TBC1D23: variants seen among roughly 807,000 people sequenced by gnomAD.
The protein encoded by TBC1D23 is TBC1 domain family member 23, also known as HCV non-structural protein 4A-transactivated protein 1.
Under a neutral mutation model 91.4 loss-of-function variants are expected in TBC1D23, and 55 were observed. That is an observed-to-expected ratio of 0.60 (90% CI 0.48 to 0.75). TBC1D23 has a LOEUF of 0.75. TBC1D23 is among the 30% of genes least tolerant of loss of function. TBC1D23 has a pLI of 0.00. For missense variants in TBC1D23, 725 were observed against 836.1 expected, an observed-to-expected ratio of 0.87 and a Z score of 1.64; for synonymous variants, 289 against 281.0, an observed-to-expected ratio of 1.03 and a Z score of -0.28.
intron 3 of TBC1D23, among the ~76,000 whole-genome samples, chr3:100,282,492 G>T (rs1438843964): frequency 2.6e-5 from 4 of 152,128 alleles, no homozygotes; most frequent in Non-Finnish European, 2.9e-5. Context: ...ATAAATCATA[G>T]TTTGTGGACT....
At chr3:100,289,346 A>G (rs2067770550) in intron 4 of TBC1D23, among the ~76,000 whole-genome samples, 1 of 152,212 alleles carries the variant, frequency 6.6e-6, no homozygotes, top group Non-Finnish European at 1.5e-5. Context: ...TATCACAAAC[A>G]TGGACACAAG....
At chr3:100,309,980 A>G (rs12629226) in intron 13 of TBC1D23, among the ~76,000 whole-genome samples, 35,998 of 152,126 alleles carry the variant, frequency 0.24, 4,684 homozygotes, top group East Asian at 0.49. Context: ...ATATCATACT[A>G]CAAACTGGGG....
chr3:100,292,029 T>A (rs1233198413), intron 5 of TBC1D23, among the ~76,000 whole-genome samples: 1 of 152,136 alleles, frequency 6.6e-6, no homozygotes, highest in African/African-American at 2.4e-5. Flanking sequence ...CCTCCCAAAG[T>A]GCTGGGATTA....
rs66553332 is a variant in TBC1D23, at chr3:100,300,498, A to ATT, written c.1092+1186_1092+1187dup. 5.1e-3 allele frequency among the ~76,000 whole-genome samples: 638 copies of ATT among 125,384 alleles called. 7 individuals are homozygous for ATT. Among genetic ancestry groups the ATT allele is most frequent in the Non-Finnish European group, 6.2e-3 (375 of 60,460 alleles). 82.3% of individuals were successfully genotyped at this position (125,384 alleles called of 152,430 possible). On this transcript the variant is annotated intron_variant, in intron 10 of 18. Coordinates refer to ENST00000394144, the MANE Select transcript of TBC1D23 (RefSeq NM_001199198.3). ...AAGTGATTCATGAATACTTGAATTA[A>ATT]TTTTTTTTTTTTTTTTTTTTGAGAC... is the stretch of plus-strand genomic sequence containing the variant.
chr3:100,263,018 G>C (rs977083940), intron 1 of TBC1D23, among the ~76,000 whole-genome samples: 1 of 152,264 alleles, frequency 6.6e-6, no homozygotes, highest in Non-Finnish European at 1.5e-5. Context: ...ATGCGCGTCC[G>C]TGTGAAGAGA....
At chr3:100,264,204 A>G (rs1042458899) in intron 1 of TBC1D23, among the ~76,000 whole-genome samples, 1 of 152,082 alleles carries the variant, frequency 6.6e-6, no homozygotes, top group Non-Finnish European at 1.5e-5. Context: ...AGGTCTCGCC[A>G]TGTTGCCCAG....
intron 3 of TBC1D23, among the ~76,000 whole-genome samples, chr3:100,282,499 G>A (rs904778594): frequency 1.3e-5 from 2 of 152,138 alleles, no homozygotes; most frequent in Admixed American, 6.5e-5. Flanking sequence ...ATAGTTTGTG[G>A]ACTGCTGTAG....
chr3:100,288,667 A>G (rs2067764188), intron 4 of TBC1D23, among the ~76,000 whole-genome samples: 1 of 152,162 alleles, frequency 6.6e-6, no homozygotes, highest in Non-Finnish European at 1.5e-5. Flanking sequence ...CTGTGCTTTG[A>G]CCTGTTTATA....
chr3:100,281,224 C>T (rs1434207539), intron 2 of TBC1D23, among the ~76,000 whole-genome samples: 1 of 152,074 alleles, frequency 6.6e-6, no homozygotes, highest in East Asian at 1.9e-4. Context: ...TTGTCTCATA[C>T]ATGTGTTTTT....
chr3:100,272,198 G>A (rs1047875455), intron 1 of TBC1D23, among the ~76,000 whole-genome samples: 7 of 151,974 alleles, frequency 4.6e-5, no homozygotes, highest in Non-Finnish European at 7.4e-5. Flanking sequence ...AACTTGTTTC[G>A]CCTGTTTATC....
chr3:100,308,214 G>A (rs1434399389), intron 13 of TBC1D23, among the ~76,000 whole-genome samples: 3 of 152,182 alleles, frequency 2.0e-5, no homozygotes, highest in Non-Finnish European at 2.9e-5. Context: ...AGTGGCTCAC[G>A]CCTGTAATCC....
chr3:100,305,304 A>T (rs745738518), intron 12 of TBC1D23, among the ~76,000 whole-genome samples: 1 of 152,164 alleles, frequency 6.6e-6, no homozygotes, highest in South Asian at 2.1e-4. Context: ...TGTTTAAAAA[A>T]TGTTAGCTAA....
intron 4 of TBC1D23, among the ~76,000 whole-genome samples, chr3:100,285,166 G>A (rs900183402): frequency 4.6e-5 from 7 of 152,066 alleles, no homozygotes; most frequent in Admixed American, 6.6e-5. Flanking sequence ...CCATTTTAAT[G>A]TGTACAATTC....
intron 1 of TBC1D23, among the ~76,000 whole-genome samples, chr3:100,262,292 G>A (rs1026065247): frequency 5.9e-5 from 9 of 152,166 alleles, no homozygotes; most frequent in African/African-American, 2.2e-4. Flanking sequence ...GGCTGGGGCA[G>A]TTGGAGTCAC....
At chr3:100,264,344 A>G (rs190086837) in intron 1 of TBC1D23, among the ~76,000 whole-genome samples, 1 of 149,420 alleles carries the variant, frequency 6.7e-6, no homozygotes, top group Non-Finnish European at 1.5e-5. Flanking sequence ...TTTGGAGTAA[A>G]TGTTTTTATT....
chr3:100,277,860 G>C (rs1380734956), intron 1 of TBC1D23, among the ~76,000 whole-genome samples: 1 of 152,198 alleles, frequency 6.6e-6, no homozygotes, highest in Non-Finnish European at 1.5e-5. Context: ...ACTCTCAACA[G>C]TAGACTTGAA....
intron 5 of TBC1D23, among the ~76,000 whole-genome samples, chr3:100,294,396 G>T (rs2067819928): frequency 6.6e-6 from 1 of 151,902 alleles, no homozygotes; most frequent in Non-Finnish European, 1.5e-5. Context: ...AAGTAGCTGG[G>T]ACTACAGACA....
intron 4 of TBC1D23, among the ~76,000 whole-genome samples, chr3:100,286,249 C>T (rs2067740850): frequency 6.6e-6 from 1 of 152,210 alleles, no homozygotes; most frequent in African/African-American, 2.4e-5. Flanking sequence ...ACCTCTTGCT[C>T]TAACAGCTAG....
intron 3 of TBC1D23, among the ~76,000 whole-genome samples, chr3:100,283,038 TAATTTTCTTTA>T (rs1186341793): frequency 1.3e-5 from 2 of 152,374 alleles, no homozygotes; most frequent in South Asian, 4.1e-4. Context: ...CTGTTATTCT[TAATTTTCTTTA>T]AATTTTCTTT....
Sources: gnomAD v4.1 joint callset for allele counts (sites outside exome capture counted in the v4.1 genomes callset) on GRCh38, gnomAD v4.1.1 for gene constraint, MANE v1.5 for transcripts, NCBI Gene and HGNC (gene_info 2026-07-23, HGNC 2026-07-21) for gene names.